Variants in USP32 observed in about 807,000 individuals in gnomAD.
USP32 encodes ubiquitin specific peptidase 32.
Under a neutral mutation model 204.8 loss-of-function variants are expected in USP32, and 59 were observed. The ratio of observed to expected loss-of-function variants is 0.29; its 90% CI spans 0.23 to 0.36. The LOEUF (loss-of-function observed/expected upper bound fraction) is 0.36. USP32 is among the 10% of genes least tolerant of loss of function. USP32 has a pLI of 1.00. For missense variants in USP32, 1,160 were observed against 1,946.4 expected, an observed-to-expected ratio of 0.60 and a Z score of 7.60; for synonymous variants, 517 against 678.4, an observed-to-expected ratio of 0.76 and a Z score of 3.70.
intron 1 of USP32, among the ~76,000 whole-genome samples, chr17:60,418,125 A>AT (rs1197957142): frequency 6.6e-6 from 1 of 151,672 alleles, no homozygotes. Flanking sequence ...CGCCCAGCTA[A>AT]TTTTGTATTT....
intron 9 of USP32, among the ~76,000 whole-genome samples, chr17:60,260,843 A>C (rs572440046): frequency 1.4e-4 from 21 of 152,294 alleles, no homozygotes; most frequent in African/African-American, 4.8e-4. Context: ...TCAGAATAGT[A>C]TATCTTCCCC....
In USP32 at chr17:60,391,960, G is replaced by C; in HGVS notation, c.-21C>G. On this transcript the variant is annotated 5_prime_UTR_variant, in exon 1 of 34. Coordinates refer to ENST00000300896, the MANE Select transcript of USP32 (RefSeq NM_032582.4). ...CCCATGCTCCCCTCATCCCCTCGGC[G>C]GGGGGTCGGAGCCTGATCTCGCCCC... 2 of 1,605,290 alleles carry C rather than the reference G, an allele frequency of 1.2e-6. No individual in the cohort carries two copies. The highest frequency in any genetic ancestry group is 2.2e-5 in the South Asian group (2 of 89,912).
chr17:60,229,120 TA>T (rs1165561776), intron 12 of USP32, among the ~76,000 whole-genome samples: 1 of 152,156 alleles, frequency 6.6e-6, no homozygotes, highest in Non-Finnish European at 1.5e-5. Flanking sequence ...CAGTCGCCTA[TA>T]GCTCACTATA....
Position 60,325,361 on chromosome 17 carries a change from T to C in USP32, c.186+20120A>G, listed in dbSNP as rs1240616311. Among the ~76,000 whole-genome samples, 3 of 152,192 alleles carry C rather than the reference T, an allele frequency of 2.0e-5. No homozygotes were observed. The East Asian group carries it at 5.8e-4, about 29-fold the overall frequency. On this transcript the variant is annotated intron_variant, in intron 2 of 33. Coordinates refer to ENST00000300896, the MANE Select transcript of USP32 (RefSeq NM_032582.4). The stretch of plus-strand genomic sequence containing the variant: ...TGAACCTGGGAGGCAGAGGTTGCAG[T>C]GAGCCAAGGTTGTGCCACTGCACTT...
At chr17:60,344,357 T>C (rs2088733422) in intron 2 of USP32, among the ~76,000 whole-genome samples, 1 of 152,148 alleles carries the variant, frequency 6.6e-6, no homozygotes, top group South Asian at 2.1e-4. Flanking sequence ...CTCGAATTCC[T>C]GACCTCGTGA....
chr17:60,357,474 TATATG>T, intron 1 of USP32, among the ~76,000 whole-genome samples: 1 of 151,880 alleles, frequency 6.6e-6, no homozygotes, highest in East Asian at 1.9e-4. Flanking sequence ...AATAAATATA[TATATG>T]ATATGTAGAC....
chr17:60,209,616 A>C (rs185437051), intron 21 of USP32, 73 bp from the exon 22 acceptor site: 76,645 of 979,798 alleles, frequency 0.078, 3,427 homozygotes, highest in East Asian at 0.11. Flanking sequence ...CCTATAATCC[A>C]ATCAGAGCCA....
chr17:60,221,772 G>A (rs928610267), intron 15 of USP32, among the ~76,000 whole-genome samples: 1 of 152,082 alleles, frequency 6.6e-6, no homozygotes, highest in African/African-American at 2.4e-5. Context: ...CCAAAGTGCT[G>A]GGATTACAGG....
At position 60,269,491 on chromosome 17, in the gene USP32, A is replaced by G. The variant is rs765776058; in HGVS notation, c.770T>C (p.Leu257Ser). 2.4e-5 allele frequency: 38 copies of G among 1,611,072 alleles called. No individual in the cohort carries two copies. The highest frequency in any genetic ancestry group is 2.5e-6 in the Non-Finnish European group (3 of 1,179,182). ...HIDFKEISCG[L>S]SACCRGPLAE... ...CAGGGGTCCCCTGCAACAGGCTGATAACCCACAGGATATCTCCTTAAAATC... is the reference window on the plus strand; with the variant it reads ...CAGGGGTCCCCTGCAACAGGCTGATGACCCACAGGATATCTCCTTAAAATC... The change falls in exon 7 of 34, where the codon TTA becomes TCA. Residue 257 changes from leucine (L) to serine (S), a missense_variant. Coordinates refer to ENST00000300896, the MANE Select transcript of USP32 (RefSeq NM_032582.4).
At chr17:60,200,399 A>G (rs1292239131) in intron 26 of USP32, among the ~76,000 whole-genome samples, 4 of 151,808 alleles carry the variant, frequency 2.6e-5, no homozygotes, top group Admixed American at 6.6e-5. Flanking sequence ...TGTCTCTACT[A>G]AAAATACAAA....
chr17:60,227,245 C>T (rs536277848), intron 12 of USP32, among the ~76,000 whole-genome samples: 7 of 150,370 alleles, frequency 4.7e-5, no homozygotes, highest in African/African-American at 9.7e-5. Flanking sequence ...TTCTGGCAAG[C>T]GACACTAGTT....
intron 1 of USP32, among the ~76,000 whole-genome samples, chr17:60,346,582 C>T (rs2088790953): frequency 6.6e-6 from 1 of 152,014 alleles, no homozygotes; most frequent in Admixed American, 6.6e-5. Context: ...AATTACTGAG[C>T]CATTACTTTA....
intron 1 of USP32, among the ~76,000 whole-genome samples, chr17:60,362,421 C>A (rs2089228349): frequency 6.6e-6 from 1 of 152,166 alleles, no homozygotes; most frequent in African/African-American, 2.4e-5. Flanking sequence ...CATTCTGAAA[C>A]ATGTAAAATA....
chr17:60,234,184 G>C (rs1201640755), intron 12 of USP32, among the ~76,000 whole-genome samples: 2 of 151,228 alleles, frequency 1.3e-5, no homozygotes, highest in Non-Finnish European at 3.0e-5. Flanking sequence ...CGCGATCTCG[G>C]CTCACTGCAA....
chr17:60,392,085 C>G lies in USP32; in HGVS notation c.-146G>C. 1 of 891,516 alleles carries G rather than the reference C, an allele frequency of 1.1e-6. No homozygotes were observed. The allele number at this position is 891,516 out of a possible 1,614,324, so 55.2% of individuals were successfully genotyped here. On this transcript the variant is annotated 5_prime_UTR_variant, in exon 1 of 34. Coordinates refer to ENST00000300896, the MANE Select transcript of USP32 (RefSeq NM_032582.4). The stretch of plus-strand genomic sequence containing the variant: ...CCCACACTAACAAGTGCGGCTTCTG[C>G]CCCGGCGGCTCCTCCCGGTCGCCGC...
intron 3 of USP32, among the ~76,000 whole-genome samples, chr17:60,297,749 T>C (rs1291994509): frequency 6.6e-6 from 1 of 152,092 alleles, no homozygotes; most frequent in Non-Finnish European, 1.5e-5. Context: ...CCTCAAAATA[T>C]CATGGCATGA....
chr17:60,276,136 T>C (rs1001556982), intron 5 of USP32, among the ~76,000 whole-genome samples: 7 of 152,128 alleles, frequency 4.6e-5, no homozygotes, highest in African/African-American at 1.7e-4. Context: ...CCCAGAACTT[T>C]GGGAAGCCGA....
At chr17:60,388,228 A>G (rs1001536492) in intron 1 of USP32, among the ~76,000 whole-genome samples, 5 of 151,944 alleles carry the variant, frequency 3.3e-5, no homozygotes, top group Non-Finnish European at 5.9e-5. Context: ...GAAGAAATTC[A>G]CCCACTGTAT....
chr17:60,360,190 C>A (rs4265885), intron 1 of USP32, among the ~76,000 whole-genome samples: 152,109 of 152,110 alleles, frequency 1, 76,054 homozygotes, highest in Non-Finnish European at 1. Context: ...GATCCTTAAA[C>A]CTGGCCAGGC....
Sources: allele counts gnomAD v4.1 joint callset (sites outside exome capture counted in the v4.1 genomes callset), GRCh38; gene constraint gnomAD v4.1.1; transcripts MANE v1.5; gene names NCBI Gene and HGNC (gene_info 2026-07-23, HGNC 2026-07-21).